Variants in PDE7B observed in about 807,000 individuals in gnomAD.
PDE7B encodes 3',5'-cyclic-AMP phosphodiesterase 7B.
In PDE7B, 29 loss-of-function variants were observed where a neutral mutation model predicts 56.2. The ratio of observed to expected loss-of-function variants is 0.52; its 90% CI spans 0.38 to 0.70. The LOEUF is 0.70. Ranked by LOEUF, PDE7B falls within the 30% of genes least tolerant of loss-of-function variation. The pLI is 0.00. For synonymous variants in PDE7B, 197 were observed against 196.9 expected (o/e 1.00, Z 0.00); for missense variants, 490 against 565.0 (o/e 0.87, Z 1.35).
chr6:135,878,619 G>A (rs906732979), intron 1 of PDE7B, among the ~76,000 whole-genome samples: 51 of 152,144 alleles, frequency 3.4e-4, no homozygotes, highest in African/African-American at 9.4e-4. Context: ...GTACTAGATG[G>A]CAGGGATCAA....
chr6:135,891,650 C>T (rs937915177), intron 1 of PDE7B, among the ~76,000 whole-genome samples: 1 of 152,188 alleles, frequency 6.6e-6, no homozygotes, highest in Non-Finnish European at 1.5e-5. Context: ...CACTGCCAGC[C>T]ATTTTCATTC....
intron 2 of PDE7B, among the ~76,000 whole-genome samples, chr6:135,980,338 C>G (rs1049907408): frequency 3.3e-5 from 5 of 152,146 alleles, no homozygotes; most frequent in Non-Finnish European, 5.9e-5. Context: ...CATAAAAACC[C>G]TAGAAGAAAA....
At chr6:135,906,806 G>GTTTTTTTT (rs1383346069) in intron 1 of PDE7B, among the ~76,000 whole-genome samples, 13 of 32,450 alleles carry the variant, frequency 4.0e-4, no homozygotes, top group Admixed American at 1.3e-3. Context: ...TGTTAATGAG[G>GTTTTTTTT]TTTGTTTTTT....
chr6:135,979,500 C>G (rs1775255941), intron 2 of PDE7B, among the ~76,000 whole-genome samples: 1 of 151,782 alleles, frequency 6.6e-6, no homozygotes, highest in South Asian at 2.1e-4. Context: ...GTGAATCCAT[C>G]TGGTCCTGGA....
intron 2 of PDE7B, among the ~76,000 whole-genome samples, chr6:135,980,622 A>C (rs1434053384): frequency 6.6e-6 from 1 of 152,210 alleles, no homozygotes; most frequent in Non-Finnish European, 1.5e-5. Context: ...GAGTGGGCGA[A>C]GGACATGAAC....
chr6:136,044,127 C>T (rs1776458877), intron 2 of PDE7B: 1 of 152,148 alleles, frequency 6.6e-6, no homozygotes, highest in Non-Finnish European at 1.5e-5. Context: ...TATGCTAGCC[C>T]CTTCATGAAT....
chr6:136,183,211 A>G (rs1017323353), intron 11 of PDE7B, among the ~76,000 whole-genome samples: 1 of 151,966 alleles, frequency 6.6e-6, no homozygotes, highest in African/African-American at 2.4e-5. Flanking sequence ...TTCCTCTGGC[A>G]TGTTTCCTGG....
chr6:136,181,134 G>T (rs1048051674), intron 10 of PDE7B, 93 bp from the exon 11 acceptor site: 1 of 847,740 alleles, frequency 1.2e-6, no homozygotes, highest in South Asian at 1.4e-5. Context: ...ACTGTGAGCA[G>T]ACTGAACAGC....
intron 9 of PDE7B, 85 bp from the exon 10 acceptor site, chr6:136,178,912 G>T (rs1344203243): frequency 7.2e-7 from 1 of 1,396,894 alleles, no homozygotes; most frequent in Non-Finnish European, 1.0e-6. Context: ...TAGATTACAA[G>T]CCACCTGATG....
chr6:135,920,211 C>T (rs1774046677), intron 1 of PDE7B, among the ~76,000 whole-genome samples: 1 of 152,116 alleles, frequency 6.6e-6, no homozygotes, highest in South Asian at 2.1e-4. Context: ...GATCATAATG[C>T]ATTTCTATAA....
chr6:136,094,485 TCCCACATTTCATTCAA>T, intron 2 of PDE7B, among the ~76,000 whole-genome samples: 1 of 152,126 alleles, frequency 6.6e-6, no homozygotes, highest in South Asian at 2.1e-4. Context: ...TCTTGGCTTC[TCCCACATTTCATTCAA>T]GTCTTTGCTC....
intron 2 of PDE7B, among the ~76,000 whole-genome samples, chr6:136,075,378 C>T (rs1023099585): frequency 2.0e-5 from 3 of 152,154 alleles, no homozygotes; most frequent in African/African-American, 7.2e-5. Flanking sequence ...ACATGCTGAA[C>T]TGTATTCCTT....
In PDE7B at chr6:136,190,692, G is replaced by A. The variant is rs555699511; in HGVS notation, c.1127-922G>A. On this transcript the variant is annotated intron_variant, in intron 12 of 12. Coordinates refer to ENST00000308191, the MANE Select transcript of PDE7B (RefSeq NM_018945.4). ...AAAGCACATTAACGCGGCAAAACGC[G>A]ATTAGAAAGTAACAAATCTTAAATA... Among the ~76,000 whole-genome samples the A allele has an allele frequency of 2.5e-3, 386 of 152,186 alleles. 2 individuals are homozygous for A. The highest frequency in any genetic ancestry group is 4.0e-3 in the Non-Finnish European group (275 of 68,022).
At chr6:135,862,333 T>C (rs1272228972) in intron 1 of PDE7B, among the ~76,000 whole-genome samples, 1 of 151,848 alleles carries the variant, frequency 6.6e-6, no homozygotes, top group African/African-American at 2.4e-5. Context: ...AGGTGATTGA[T>C]TTTATAATTT....
chr6:135,966,249 T>C (rs1008879356), intron 2 of PDE7B, among the ~76,000 whole-genome samples: 5 of 152,190 alleles, frequency 3.3e-5, no homozygotes, highest in African/African-American at 1.2e-4. Context: ...GATTTGTCTT[T>C]AGAGTGGCTT....
intron 2 of PDE7B, among the ~76,000 whole-genome samples, chr6:136,042,243 G>A (rs1776425710): frequency 6.6e-6 from 1 of 152,196 alleles, no homozygotes; most frequent in African/African-American, 2.4e-5. Context: ...TGGGGAGTGG[G>A]GAGAAGGATG....
intron 2 of PDE7B, among the ~76,000 whole-genome samples, chr6:136,103,217 A>C (rs1777592725): frequency 6.6e-6 from 1 of 152,304 alleles, no homozygotes; most frequent in South Asian, 2.1e-4. Flanking sequence ...GTGTCACTCA[A>C]GAAAGTGGAA....
chr6:135,897,985 G>A (rs1226013373), intron 1 of PDE7B, among the ~76,000 whole-genome samples: 1 of 152,172 alleles, frequency 6.6e-6, no homozygotes, highest in Non-Finnish European at 1.5e-5. Flanking sequence ...GCATGAAGAA[G>A]GGAAGGAGGC....
At chr6:135,868,551 C>A (rs932549083) in intron 1 of PDE7B, among the ~76,000 whole-genome samples, 6 of 152,168 alleles carry the variant, frequency 3.9e-5, no homozygotes, top group African/African-American at 1.4e-4. Flanking sequence ...CCTGCCTCAG[C>A]CTCCTAAGTA....
Sources: allele counts gnomAD v4.1 joint callset (sites outside exome capture counted in the v4.1 genomes callset), GRCh38; gene constraint gnomAD v4.1.1; transcripts MANE v1.5; gene names NCBI Gene and HGNC (gene_info 2026-07-23, HGNC 2026-07-21).